The following CHN2 variants were observed in gnomAD, a reference collection of about 807,000 sequenced individuals.
CHN2 encodes the protein chimerin 2.
CHN2 carries 35 observed loss-of-function variants against 56.3 expected under a neutral mutation model. That is an observed-to-expected ratio of 0.62 (90% CI 0.47 to 0.82). The LOEUF (loss-of-function observed/expected upper bound fraction) is 0.82, where lower values mean the gene tolerates loss of function less well. CHN2 is among the 40% of genes least tolerant of loss of function. The pLI, the probability that CHN2 is intolerant of heterozygous loss-of-function variation, is 0.00. For missense variants in CHN2, 491 were observed against 580.5 expected (o/e 0.85, Z 1.58); for synonymous variants, 210 against 212.8 (o/e 0.99, Z 0.12).
chr7:29,161,913 C>T (rs568316563), intron 2 of CHN2, among the ~76,000 whole-genome samples: 1 of 152,278 alleles, frequency 6.6e-6, no homozygotes, highest in South Asian at 2.1e-4. Context: ...CAAATAAGCA[C>T]ATGAAAGATA....
intron 12 of CHN2, 116 bp from the exon 13 acceptor site, chr7:29,512,448 C>A: frequency 1.1e-6 from 1 of 895,536 alleles, no homozygotes; most frequent in Non-Finnish European, 1.6e-6. Context: ...GATTCCCAAT[C>A]TTTTTCTTGC....
rs184793425 is a variant in CHN2 at position 29,179,490 on chromosome 7, G to T, written c.274+32530G>T. On this transcript the variant is annotated intron_variant, in intron 2 of 6. Transcript: ENST00000439384. ...AGATGCTAGAAAATCCAGGAACCCA[G>T]ACTCAACACAAATTCTTCAGGAGTG... 6.6e-5 allele frequency among the ~76,000 whole-genome samples: 10 copies of T among 152,314 alleles called. No individual in the cohort carries two copies. In the South Asian group the frequency reaches 1.2e-3, roughly 19 times the overall value.
At chr7:29,502,174 A>G (rs1264473363) in intron 9 of CHN2, among the ~76,000 whole-genome samples, 3 of 152,184 alleles carry the variant, frequency 2.0e-5, no homozygotes, top group African/African-American at 4.8e-5. Flanking sequence ...TGTCACAGAG[A>G]CCCTGAGTAA....
Position 29,240,834 on chromosome 7 carries a change from G to C in CHN2, c.49+45844G>C, listed in dbSNP as rs145697316. On this transcript the variant is annotated intron_variant, in intron 1 of 12. Transcript: ENST00000222792. ...CTTCTTCTTCGTCGTCGTCGTCGTC[G>C]TCTTCGTCTTCATCTTCTTCTTTCT... Among the ~76,000 whole-genome samples, 367 of 148,356 alleles carry C rather than the reference G, an allele frequency of 2.5e-3. 2 individuals are homozygous for C. Among genetic ancestry groups the C allele is most frequent in the African/African-American group, 8.8e-3 (353 of 40,248 alleles).
intron 6 of CHN2, among the ~76,000 whole-genome samples, chr7:29,428,570 C>T (rs143388702): frequency 6.6e-6 from 1 of 152,132 alleles, no homozygotes; most frequent in East Asian, 1.9e-4. Context: ...GATTTTTTTT[C>T]ATATTCTTCA....
At chr7:29,330,360 G>A (rs1283616384) in intron 1 of CHN2, among the ~76,000 whole-genome samples, 1 of 152,156 alleles carries the variant, frequency 6.6e-6, no homozygotes, top group African/African-American at 2.4e-5. Context: ...GTCAGATTGG[G>A]TCATTTCTGT....
chr7:29,310,309 A>G (rs775099449), intron 1 of CHN2, among the ~76,000 whole-genome samples: 1 of 152,244 alleles, frequency 6.6e-6, no homozygotes, highest in East Asian at 1.9e-4. Context: ...TTGAACATGT[A>G]GAAGAATATT....
intron 6 of CHN2, among the ~76,000 whole-genome samples, chr7:29,477,132 A>G (rs140742266): frequency 3.3e-4 from 51 of 152,290 alleles, no homozygotes; most frequent in African/African-American, 1.1e-3. Context: ...TACTGTAATC[A>G]GTTTTCCCTT....
intron 1 of CHN2, among the ~76,000 whole-genome samples, chr7:29,291,259 T>C (rs2128869313): frequency 6.6e-6 from 1 of 152,252 alleles, no homozygotes; most frequent in African/African-American, 2.4e-5. Flanking sequence ...ATCACCAGTT[T>C]CAGGTGTTTT....
intron 1 of CHN2, among the ~76,000 whole-genome samples, chr7:29,278,245 T>A (rs1301295257): frequency 1.3e-5 from 2 of 152,166 alleles, no homozygotes; most frequent in Non-Finnish European, 2.9e-5. Flanking sequence ...GATTCTGATT[T>A]CAATTGATCT....
At chr7:29,231,628 G>C (rs1390852300) in intron 1 of CHN2, among the ~76,000 whole-genome samples, 1 of 152,184 alleles carries the variant, frequency 6.6e-6, no homozygotes, top group Non-Finnish European at 1.5e-5. Flanking sequence ...AGTTAGTACT[G>C]CACTTTTGGG....
intron 7 of CHN2, chr7:29,484,056 C>T (rs2128549700): frequency 4.3e-6 from 2 of 465,218 alleles, no homozygotes; most frequent in South Asian, 1.7e-5. Flanking sequence ...CTTTTTCAGT[C>T]TTTTATTTTC....
chr7:29,155,136 G>C (rs569772545), intron 2 of CHN2, among the ~76,000 whole-genome samples: 1 of 152,100 alleles, frequency 6.6e-6, no homozygotes, highest in Admixed American at 6.5e-5. Context: ...CCCACAACAC[G>C]TGGGAATTCA....
chr7:29,415,757 A>G (rs1410032797), intron 6 of CHN2, among the ~76,000 whole-genome samples: 1 of 152,208 alleles, frequency 6.6e-6, no homozygotes, highest in Non-Finnish European at 1.5e-5. Flanking sequence ...CATTGGTGGC[A>G]GGGTAGAGGA....
intron 1 of CHN2, among the ~76,000 whole-genome samples, chr7:29,242,573 A>G (rs999434361): frequency 6.6e-6 from 1 of 151,786 alleles, no homozygotes; most frequent in Non-Finnish European, 1.5e-5. Flanking sequence ...GTTCAGGTGG[A>G]TAGGCTCTAA....
chr7:29,481,658 G>GTTT (rs5883215), intron 7 of CHN2, among the ~76,000 whole-genome samples: 1,415 of 130,786 alleles, frequency 0.011, 23 homozygotes, highest in African/African-American at 0.026. Context: ...AATGCCTCCC[G>GTTT]TTTTTTTTTT....
chr7:29,230,390 G>C (rs927507329), intron 1 of CHN2, among the ~76,000 whole-genome samples: 1 of 152,072 alleles, frequency 6.6e-6, no homozygotes, highest in Non-Finnish European at 1.5e-5. Flanking sequence ...TTCTAGGCTG[G>C]AGTGCAGTGG....
At chr7:29,293,272 C>T (rs1311665182) in intron 1 of CHN2, among the ~76,000 whole-genome samples, 2 of 151,934 alleles carry the variant, frequency 1.3e-5, no homozygotes, top group Admixed American at 1.3e-4. Flanking sequence ...GCCCCTTCTC[C>T]CTCCTGCATC....
chr7:29,500,092 T>C, intron 9 of CHN2, 52 bp downstream of exon 9: 1 of 1,355,312 alleles, frequency 7.4e-7, no homozygotes, highest in African/African-American at 1.5e-5. Context: ...TTTTTATTGT[T>C]TGTTTTTACT....
Sources: gnomAD v4.1 joint callset for allele counts (sites outside exome capture counted in the v4.1 genomes callset) on GRCh38, gnomAD v4.1.1 for gene constraint, MANE v1.5 for transcripts, NCBI Gene and HGNC (gene_info 2026-07-23, HGNC 2026-07-21) for gene names.